Variants in NCKAP5 observed in about 807,000 individuals in gnomAD.
NCKAP5 encodes NCK associated protein 5.
A neutral mutation model predicts 167.0 loss-of-function variants in NCKAP5; 92 were observed. The ratio of observed to expected loss-of-function variants is 0.55; its 90% CI spans 0.47 to 0.66. NCKAP5 has a LOEUF of 0.66. Ranked by LOEUF, NCKAP5 falls within the 30% of genes least tolerant of loss-of-function variation. NCKAP5 has a pLI of 0.00. For synonymous variants in NCKAP5, 891 were observed against 877.4 expected (o/e 1.02, Z -0.27); for missense variants, 2,378 against 2,315.0 (o/e 1.03, Z -0.56).
intron 8 of NCKAP5, among the ~76,000 whole-genome samples, chr2:132,916,532 G>A (rs1360182425): frequency 2.0e-5 from 3 of 152,064 alleles, no homozygotes; most frequent in Non-Finnish European, 4.4e-5. Flanking sequence ...AATGACTGGC[G>A]TGTAGATGCC....
Position 132,928,686 on chromosome 2 carries a change from T to C in NCKAP5, c.579+35034A>G, listed in dbSNP as rs184603677. ...TTCCTCTGTAAGGCTTATACACGAATTTGAACATAACTATTAAAGTAAATT... is the reference window on the plus strand; with the variant it reads ...TTCCTCTGTAAGGCTTATACACGAACTTGAACATAACTATTAAAGTAAATT... On this transcript the variant is annotated intron_variant, in intron 8 of 19. Coordinates refer to ENST00000409261, the MANE Select transcript of NCKAP5 (RefSeq NM_207363.3). Among the ~76,000 whole-genome samples, 76 of 152,254 alleles carry C rather than the reference T, an allele frequency of 5.0e-4. 1 individual carries two copies. The highest frequency in any genetic ancestry group is 2.4e-3 in the Admixed American group (37 of 15,298).
chr2:132,724,909 A>G (rs1460292130), intron 19 of NCKAP5, among the ~76,000 whole-genome samples: 1 of 152,172 alleles, frequency 6.6e-6, no homozygotes, highest in Non-Finnish European at 1.5e-5. Flanking sequence ...TTAAAAAAAT[A>G]AAATTATGGT....
intron 7 of NCKAP5, among the ~76,000 whole-genome samples, chr2:132,990,073 A>T (rs13415085): frequency 6.6e-6 from 1 of 152,182 alleles, no homozygotes; most frequent in African/African-American, 2.4e-5. Context: ...TGGGAACACA[A>T]GATGCTCTGA....
chr2:132,693,261 A>G (rs1686960371), intron 19 of NCKAP5, among the ~76,000 whole-genome samples: 1 of 152,200 alleles, frequency 6.6e-6, no homozygotes, highest in Admixed American at 6.5e-5. Flanking sequence ...ATGTGACTTT[A>G]TTTGGAAATA....
chr2:132,735,330 T>G (rs189983576), intron 16 of NCKAP5, among the ~76,000 whole-genome samples: 80 of 152,270 alleles, frequency 5.3e-4, no homozygotes, highest in Non-Finnish European at 9.7e-4. Flanking sequence ...CTTAGTGCCA[T>G]CCCCTTAGTG....
At chr2:133,143,725 A>G (rs1352507572) in intron 5 of NCKAP5, among the ~76,000 whole-genome samples, 1 of 152,110 alleles carries the variant, frequency 6.6e-6, no homozygotes, top group Non-Finnish European at 1.5e-5. Flanking sequence ...ATAATGATGA[A>G]CCCTGGCTGA....
chr2:133,382,567 G>A (rs1015454172), intron 3 of NCKAP5, among the ~76,000 whole-genome samples: 14 of 152,214 alleles, frequency 9.2e-5, no homozygotes, highest in African/African-American at 3.4e-4. Context: ...TCCTTTGACT[G>A]CAGGGCCTTT....
chr2:133,233,910 G>A (rs1035423967), intron 4 of NCKAP5, among the ~76,000 whole-genome samples: 12 of 152,078 alleles, frequency 7.9e-5, no homozygotes, highest in African/African-American at 2.9e-4. Flanking sequence ...AATATTTGTT[G>A]GCTATTAATG....
intron 15 of NCKAP5, among the ~76,000 whole-genome samples, chr2:132,780,213 A>G (rs1682905212): frequency 6.6e-6 from 1 of 152,166 alleles, no homozygotes. Context: ...GTGCAGTGGC[A>G]CAATCTCGGC....
At chr2:132,950,652 A>T (rs2076157019) in intron 8 of NCKAP5, among the ~76,000 whole-genome samples, 1 of 152,160 alleles carries the variant, frequency 6.6e-6, no homozygotes, top group African/African-American at 2.4e-5. Flanking sequence ...TTTTTTGGTG[A>T]TTTGGATTTC....
At chr2:132,982,481 C>T (rs914240280) in intron 7 of NCKAP5, among the ~76,000 whole-genome samples, 1 of 152,176 alleles carries the variant, frequency 6.6e-6, no homozygotes, top group Admixed American at 6.5e-5. Context: ...TGAGGGACTG[C>T]TGGGACTTCA....
chr2:133,494,396 C>T (rs1355151965), intron 3 of NCKAP5, among the ~76,000 whole-genome samples: 1 of 152,174 alleles, frequency 6.6e-6, no homozygotes, highest in African/African-American at 2.4e-5. Flanking sequence ...ATTGCCTCAG[C>T]TCCACCTTTT....
chr2:133,026,400 A>C (rs1249503265), intron 6 of NCKAP5, among the ~76,000 whole-genome samples: 2 of 150,880 alleles, frequency 1.3e-5, no homozygotes, highest in Admixed American at 6.6e-5. Flanking sequence ...TTTTAAGAAC[A>C]CAGTCAAGGA....
At chr2:132,997,267 T>A (rs1207423431) in intron 6 of NCKAP5, among the ~76,000 whole-genome samples, 2 of 152,160 alleles carry the variant, frequency 1.3e-5, no homozygotes, top group African/African-American at 4.8e-5. Flanking sequence ...TTACAGAGGA[T>A]GGCACAAGGA....
chr2:133,007,204 A>C (rs960334059), intron 6 of NCKAP5, among the ~76,000 whole-genome samples: 5 of 152,208 alleles, frequency 3.3e-5, no homozygotes, highest in Non-Finnish European at 7.4e-5. Flanking sequence ...AAATGAATAC[A>C]TCCTCCCAGT....
At chr2:133,245,462 T>G (rs2087928648) in intron 4 of NCKAP5, among the ~76,000 whole-genome samples, 2 of 152,178 alleles carry the variant, frequency 1.3e-5, no homozygotes, top group Non-Finnish European at 2.9e-5. Context: ...CAATTTATGG[T>G]AACAGAAATC....
At chr2:133,092,031 C>T (rs1474321793) in intron 6 of NCKAP5, among the ~76,000 whole-genome samples, 2 of 152,136 alleles carry the variant, frequency 1.3e-5, no homozygotes, top group Non-Finnish European at 2.9e-5. Flanking sequence ...TCTCATCACC[C>T]CAACCTCTGA....
Position 133,341,160 on chromosome 2 carries a change from GA to G in NCKAP5, c.70-38051del, listed in dbSNP as rs112387866. ...TACAACCACATTCTTTTACCCCATGGAAAAAAAAACACTTATTAAAGTATAT... is the reference window on the plus strand; with the variant it reads ...TACAACCACATTCTTTTACCCCATGGAAAAAAAACACTTATTAAAGTATAT... On this transcript the variant is annotated intron_variant, in intron 3 of 19. Coordinates refer to ENST00000409261, the MANE Select transcript of NCKAP5 (RefSeq NM_207363.3). 1.9e-3 allele frequency among the ~76,000 whole-genome samples: 274 copies of G among 147,060 alleles called. 3 individuals are homozygous for G. The highest frequency in any genetic ancestry group is 6.3e-3 in the African/African-American group (252 of 40,160).
At chr2:133,565,707 C>A (rs530625229) in intron 1 of NCKAP5, among the ~76,000 whole-genome samples, 1 of 152,160 alleles carries the variant, frequency 6.6e-6, no homozygotes, top group Non-Finnish European at 1.5e-5. Context: ...AGAATATCCC[C>A]GTCTTCATGG....
Sources: gnomAD v4.1 joint callset for allele counts (sites outside exome capture counted in the v4.1 genomes callset) on GRCh38, gnomAD v4.1.1 for gene constraint, MANE v1.5 for transcripts, NCBI Gene and HGNC (gene_info 2026-07-23, HGNC 2026-07-21) for gene names.